Variants in SIK2 observed in about 807,000 individuals in gnomAD.
SIK2 encodes the protein serine/threonine-protein kinase SIK2.
Under a neutral mutation model 103.2 loss-of-function variants are expected in SIK2, and 29 were observed. That is an observed-to-expected ratio of 0.28 (90% CI 0.21 to 0.38). The LOEUF is 0.38. Ranked by LOEUF, SIK2 falls within the 10% of genes least tolerant of loss-of-function variation. The probability of loss-of-function intolerance (pLI) is 1.00; values close to 1 mark genes in which losing one functional copy is unlikely to be tolerated. For synonymous variants in SIK2, 412 were observed against 446.1 expected (o/e 0.92, Z 0.96); for missense variants, 879 against 1,171.0 (o/e 0.75, Z 3.64).
intron 10 of SIK2, 55 bp from the exon 11 acceptor site, chr11:111,720,423 T>C (rs759072318): frequency 3.3e-6 from 5 of 1,504,206 alleles, no homozygotes. Context: ...TTGTACCCTA[T>C]GTTCCAAGGA....
intron 3 of SIK2, among the ~76,000 whole-genome samples, chr11:111,648,538 T>G (rs1386917485): frequency 6.6e-6 from 1 of 152,060 alleles, no homozygotes; most frequent in Non-Finnish European, 1.5e-5. Context: ...AGGGATTAGA[T>G]TTCAACGTAT....
At chr11:111,652,440 G>GTA (rs1177103883) in intron 3 of SIK2, among the ~76,000 whole-genome samples, 11 of 152,130 alleles carry the variant, frequency 7.2e-5, no homozygotes, top group Admixed American at 7.2e-4. Context: ...GTGAGAGATT[G>GTA]TATGTCATTA....
chr11:111,692,379 A>C (rs1038792445), intron 4 of SIK2, among the ~76,000 whole-genome samples: 16 of 145,064 alleles, frequency 1.1e-4, no homozygotes, highest in East Asian at 3.9e-4. Flanking sequence ...AAAAAAAAAA[A>C]AAAAAAAAAC....
chr11:111,645,080 C>T (rs1942237834), intron 3 of SIK2, among the ~76,000 whole-genome samples: 3 of 152,152 alleles, frequency 2.0e-5, no homozygotes, highest in South Asian at 4.1e-4. Context: ...AACAAGTAAA[C>T]ATAAGCAAGA....
chr11:111,702,670 A>T (rs1408593995), intron 6 of SIK2, among the ~76,000 whole-genome samples: 1 of 152,204 alleles, frequency 6.6e-6, no homozygotes, highest in Non-Finnish European at 1.5e-5. Flanking sequence ...GAAGAGCATC[A>T]TGTCAGCTCA....
rs995992609 is a variant in SIK2 at position 111,701,309 on chromosome 11, T to A, written c.604-143T>A. 16 of 1,193,450 alleles carry A rather than the reference T, an allele frequency of 1.3e-5. No homozygotes were observed. In the Admixed American group the frequency reaches 4.2e-4, roughly 31 times the overall value. 73.9% of individuals were successfully genotyped at this position (1,193,450 alleles called of 1,614,324 possible). A position where few individuals can be genotyped will look rare whatever the true frequency, so the allele number is the denominator to read the frequency against. ...TTATTGTAGTAGTCAGGGTTTTGGA[T>A]TTTTTTCAAATTCTGAGAAAATAAT... On this transcript the variant is annotated intron_variant, in intron 5 of 14. Coordinates refer to ENST00000304987, the MANE Select transcript of SIK2 (RefSeq NM_015191.3). The surrounding 1 kb of genome is among the most constrained non-coding windows in gnomAD (Gnocchi z 4.2).
intron 3 of SIK2, among the ~76,000 whole-genome samples, chr11:111,646,180 T>C (rs1330755307): frequency 1.3e-5 from 2 of 152,326 alleles, no homozygotes; most frequent in East Asian, 3.9e-4. Context: ...CCGGGCATGG[T>C]GGCTCATGCC....
chr11:111,602,522 C>T lies in SIK2; in HGVS notation c.-42C>T, dbSNP rs1243531209. 9.1e-6 allele frequency: 13 copies of T among 1,436,346 alleles called. No individual in the cohort carries two copies. Among genetic ancestry groups the T allele is most frequent in the South Asian group, 2.8e-5 (2 of 70,520 alleles). 89.0% of individuals were successfully genotyped at this position (1,436,346 alleles called of 1,614,324 possible). A position where few individuals can be genotyped will look rare whatever the true frequency, so the allele number is the denominator to read the frequency against. ...AAGCCGCGCTGCCAACCCTCCCGCC[C>T]GCCCGCGCTCCTGTCCGCCGTGTCT... On this transcript the variant is annotated 5_prime_UTR_variant, in exon 1 of 15. Transcript: ENST00000304987. The surrounding 1 kb of genome is among the most constrained non-coding windows in gnomAD (Gnocchi z 4.5).
In SIK2 at chr11:111,705,269, C is replaced by T; in HGVS notation, c.1101+130C>T. ...CGTTTTTCTGTAAAATTTCTGCCTG[C>T]CATTCACTAGATTCTCAAATGTTTT... On this transcript the variant is annotated intron_variant, in intron 8 of 14. Coordinates refer to ENST00000304987, the MANE Select transcript of SIK2 (RefSeq NM_015191.3). The surrounding 1 kb of genome is among the most constrained non-coding windows in gnomAD (Gnocchi z 4.3). 1.1e-6 allele frequency: 1 copy of T among 915,326 alleles called. No homozygotes were observed. The highest frequency in any genetic ancestry group is 1.5e-6 in the Non-Finnish European group (1 of 673,940). The allele number at this position is 915,326 out of a possible 1,614,324, so 56.7% of individuals were successfully genotyped here. A position where few individuals can be genotyped will look rare whatever the true frequency, so the allele number is the denominator to read the frequency against.
chr11:111,664,036 A>G (rs1591606341), intron 3 of SIK2, among the ~76,000 whole-genome samples: 1 of 152,112 alleles, frequency 6.6e-6, no homozygotes, highest in Non-Finnish European at 1.5e-5. Flanking sequence ...GTAGAAGGAA[A>G]CCCTGGGCCA....
chr11:111,697,422 G>A (rs1243688814), intron 4 of SIK2, among the ~76,000 whole-genome samples: 2 of 152,180 alleles, frequency 1.3e-5, no homozygotes, highest in African/African-American at 4.8e-5. Flanking sequence ...AGTCTGATGG[G>A]ATAGACAGAT....
At chr11:111,637,641 C>G (rs547300055) in intron 3 of SIK2, among the ~76,000 whole-genome samples, 1 of 151,594 alleles carries the variant, frequency 6.6e-6, no homozygotes, top group African/African-American at 2.4e-5. Context: ...TTTGTACTTT[C>G]AGTAAAGACA....
At chr11:111,603,114 G>A (rs1322017205) in intron 1 of SIK2, among the ~76,000 whole-genome samples, 2 of 152,146 alleles carry the variant, frequency 1.3e-5, no homozygotes, top group African/African-American at 4.8e-5. Flanking sequence ...GCTGCGCCGT[G>A]AGAGACGTCG....
At chr11:111,665,558 T>C (rs541609755) in intron 3 of SIK2, among the ~76,000 whole-genome samples, 1 of 151,588 alleles carries the variant, frequency 6.6e-6, no homozygotes, top group Admixed American at 6.6e-5. Context: ...GCGTGGTGGC[T>C]CACGCCTGTA....
intron 9 of SIK2, among the ~76,000 whole-genome samples, chr11:111,715,264 T>TC (rs1336856343): frequency 7.9e-5 from 12 of 152,210 alleles, no homozygotes; most frequent in Non-Finnish European, 1.3e-4. Context: ...CGCTTGTCCC[T>TC]CTTCCCTCCC....
chr11:111,684,237 A>G (rs1565353119), intron 3 of SIK2, among the ~76,000 whole-genome samples: 1 of 152,184 alleles, frequency 6.6e-6, no homozygotes, highest in Non-Finnish European at 1.5e-5. Flanking sequence ...GGTACTCCCA[A>G]TTTGGACTGA....
chr11:111,709,361 G>C (rs1440298914), intron 8 of SIK2, among the ~76,000 whole-genome samples: 1 of 152,206 alleles, frequency 6.6e-6, no homozygotes, highest in Admixed American at 6.5e-5. Flanking sequence ...CACATTAGTG[G>C]TGAGGGGCTC....
rs1261881250 is a variant in SIK2, at chr11:111,727,231, G to A, written c.*3102G>A. The A allele has an allele frequency of 2.4e-5, 15 of 626,608 alleles. No individual in the cohort carries two copies. Among genetic ancestry groups the A allele is most frequent in the African/African-American group, 5.5e-5 (3 of 54,868 alleles). The allele number at this position is 626,608 out of a possible 1,614,324, so 38.8% of individuals were successfully genotyped here. On this transcript the variant is annotated 3_prime_UTR_variant, in exon 15 of 15. Transcript: ENST00000304987. Reference sequence around the variant, plus strand: ...CACCATCCACCTTGAGAATCCCTGCGTGGGAGAGCATCAGGGCCCACCAGG... The same window carrying A: ...CACCATCCACCTTGAGAATCCCTGCATGGGAGAGCATCAGGGCCCACCAGG...
intron 4 of SIK2, among the ~76,000 whole-genome samples, chr11:111,694,230 G>GT (rs1943017891): frequency 1.3e-5 from 2 of 152,080 alleles, no homozygotes; most frequent in Admixed American, 6.5e-5. Context: ...CTCTCGGCAT[G>GT]TTTTTTTAAT....
Sources: allele counts gnomAD v4.1 joint callset (sites outside exome capture counted in the v4.1 genomes callset), GRCh38; gene constraint gnomAD v4.1.1; non-coding constraint Gnocchi (gnomAD v3.1); transcripts MANE v1.5; gene names NCBI Gene and HGNC (gene_info 2026-07-23, HGNC 2026-07-21).